The following TMEM278 variants were observed in gnomAD, a reference collection of about 807,000 sequenced individuals.
TMEM278 encodes transmembrane protein 278.
the TMEM278 span, chr1:1,427,686 C>G: frequency 7.5e-7 from 1 of 1,330,386 alleles, no homozygotes; most frequent in Non-Finnish European, 9.6e-7. Flanking sequence ...CCGCCTAGCC[C>G]GGCGCCTCCG....
chr1:1,427,584 G>GCGCTGTTCTCAGAC, the TMEM278 span: 9 of 1,058,488 alleles, frequency 8.5e-6, no homozygotes, highest in Non-Finnish European at 1.0e-5. Flanking sequence ...CCGGTGCCGC[G>GCGCTGTTCTCAGAC]CGCTGTTCTC....
the TMEM278 span, chr1:1,425,977 G>A: frequency 8.1e-7 from 1 of 1,238,318 alleles, no homozygotes; most frequent in Non-Finnish European, 1.0e-6. Flanking sequence ...AGACATCAGG[G>A]CAGGACCTCC....
the TMEM278 span, chr1:1,426,352 C>G: frequency 1.4e-6 from 2 of 1,436,560 alleles, no homozygotes; most frequent in Non-Finnish European, 1.8e-6. Flanking sequence ...CCGCGGCCGC[C>G]GTCGTCTACC....
the TMEM278 span, chr1:1,426,526 C>T: frequency 9.7e-6 from 6 of 619,552 alleles, no homozygotes; most frequent in East Asian, 3.4e-5. Flanking sequence ...AGCCCCTTCT[C>T]CCAAGCACCC....
At chr1:1,426,845 G>A in the TMEM278 span, among the ~76,000 whole-genome samples, 11 of 152,044 alleles carry the variant, frequency 7.2e-5, no homozygotes, top group African/African-American at 2.7e-4. Flanking sequence ...TGGCACGGGG[G>A]CTGGCGCCAG....
At chr1:1,426,388 G>T in the TMEM278 span, 3 of 1,392,190 alleles carry the variant, frequency 2.2e-6, no homozygotes, top group Non-Finnish European at 2.8e-6. Context: ...ACTCGAGGGT[G>T]AGCCTGTGCC....
At chr1:1,430,097 A>ATCCTC in the TMEM278 span, among the ~76,000 whole-genome samples, 2 of 152,194 alleles carry the variant, frequency 1.3e-5, no homozygotes, top group Admixed American at 1.3e-4. Context: ...GGCACAAGCA[A>ATCCTC]TCCTCTCGCC....
the TMEM278 span, chr1:1,427,547 CCCCCAGGTCCA>C: frequency 1.8e-6 from 2 of 1,125,170 alleles, no homozygotes; most frequent in Non-Finnish European, 1.1e-6. Context: ...GCCCGCCCGG[CCCCCAGGTCCA>C]CCCCGCTCCG....
chr1:1,427,879 C>G, the TMEM278 span: 1 of 1,181,438 alleles, frequency 8.5e-7, no homozygotes. Flanking sequence ...GTCGCCCCCG[C>G]TGCCCCTTCC....
the TMEM278 span, among the ~76,000 whole-genome samples, chr1:1,430,154 G>A: frequency 6.6e-6 from 1 of 152,174 alleles, no homozygotes; most frequent in African/African-American, 2.4e-5. Flanking sequence ...CACCCCACCT[G>A]GCCTTATTTA....
At chr1:1,426,482 CTT>C in the TMEM278 span, 1 of 1,075,526 alleles carries the variant, frequency 9.3e-7, no homozygotes, top group Non-Finnish European at 1.2e-6. Flanking sequence ...AGAATTGCCC[CTT>C]GTCCTCAGAG....
the TMEM278 span, chr1:1,426,157 G>T: frequency 7.1e-7 from 1 of 1,413,112 alleles, no homozygotes. Flanking sequence ...AGACGGAGGA[G>T]GAGGAGGGGG....
chr1:1,427,846 T>C, the TMEM278 span: 1 of 1,321,842 alleles, frequency 7.6e-7, no homozygotes, highest in East Asian at 3.6e-5. Context: ...CCCCATCGCG[T>C]GGCCCGGCCC....
the TMEM278 span, among the ~76,000 whole-genome samples, chr1:1,428,775 C>T: frequency 2.0e-5 from 3 of 152,090 alleles, no homozygotes; most frequent in South Asian, 2.1e-4. Context: ...CCGAGGAGGG[C>T]GGATCACCAG....
At chr1:1,427,668 G>A in the TMEM278 span, 4 of 1,336,544 alleles carry the variant, frequency 3.0e-6, no homozygotes, top group Admixed American at 5.9e-5. Flanking sequence ...CGCCTCGGCC[G>A]TCCGCGCCCG....
At chr1:1,427,270 T>A in the TMEM278 span, among the ~76,000 whole-genome samples, 1 of 73,094 alleles carries the variant, frequency 1.4e-5, no homozygotes, top group East Asian at 3.9e-4. Flanking sequence ...CATCCATCCC[T>A]CACCGTCCGG....
the TMEM278 span, among the ~76,000 whole-genome samples, chr1:1,428,612 C>T: frequency 6.6e-6 from 1 of 152,232 alleles, no homozygotes; most frequent in Non-Finnish European, 1.5e-5. Context: ...AATTCCTTCT[C>T]CATATCCTCA....
the TMEM278 span, chr1:1,426,533 A>C: frequency 1.6e-6 from 1 of 612,558 alleles, no homozygotes; most frequent in Non-Finnish European, 2.5e-6. Context: ...TCTCCCAAGC[A>C]CCCCCACCAG....
the TMEM278 span, chr1:1,427,856 C>T: frequency 1.5e-6 from 2 of 1,299,484 alleles, no homozygotes; most frequent in Non-Finnish European, 2.0e-6. Context: ...TGGCCCGGCC[C>T]GGAAAACTGA....
Sources: allele counts gnomAD v4.1 joint callset (sites outside exome capture counted in the v4.1 genomes callset), GRCh38; gene constraint gnomAD v4.1.1; transcripts MANE v1.5; gene names NCBI Gene and HGNC (gene_info 2026-07-23, HGNC 2026-07-21).